LRP6: variants seen among roughly 807,000 people sequenced by gnomAD.
The protein encoded by LRP6 is LDL receptor related protein 6, also known as low-density lipoprotein receptor-related protein 6.
Under a neutral mutation model 184.1 loss-of-function variants are expected in LRP6, and 43 were observed. The ratio of observed to expected loss-of-function variants is 0.23; its 90% CI spans 0.18 to 0.30. LRP6 has a LOEUF of 0.30. Among genes scored for constraint, LRP6 ranks in the 10% least tolerant of loss-of-function variants. The probability of loss-of-function intolerance (pLI) is 1.00; values close to 1 mark genes in which losing one functional copy is unlikely to be tolerated. For synonymous variants in LRP6, 719 were observed against 684.9 expected (o/e 1.05, Z -0.78); for missense variants, 1,571 against 2,005.3 (o/e 0.78, Z 4.14).
chr12:12,196,734 C>A (rs1240081909), intron 3 of LRP6, among the ~76,000 whole-genome samples: 1 of 152,204 alleles, frequency 6.6e-6, no homozygotes, highest in East Asian at 1.9e-4. Flanking sequence ...GTTTCTCTGT[C>A]CTCTGTATTT....
rs531774646 is a variant in LRP6, at chr12:12,131,310, G to A, written c.3971-417C>T. On this transcript the variant is annotated intron_variant, in intron 18 of 22. Coordinates refer to ENST00000261349, the MANE Select transcript of LRP6 (RefSeq NM_002336.3). ...TTTTTAGTAGAGATGGGGTTTCACC[G>A]TGTTAGCCAGGATGGTCTCTATCTC... is the stretch of plus-strand genomic sequence containing the variant. Among the ~76,000 whole-genome samples, 32 of 151,372 alleles carry A rather than the reference G, an allele frequency of 2.1e-4. No individual in the cohort carries two copies. The East Asian group carries it at 4.5e-3, about 21-fold the overall frequency.
At chr12:12,154,384 T>C (rs1950123251) in intron 12 of LRP6, among the ~76,000 whole-genome samples, 1 of 152,212 alleles carries the variant, frequency 6.6e-6, no homozygotes, top group Admixed American at 6.5e-5. Context: ...CATCACCCTT[T>C]CTTGCTCTTT....
At chr12:12,259,246 G>A (rs1203985441) in intron 1 of LRP6, among the ~76,000 whole-genome samples, 1 of 142,180 alleles carries the variant, frequency 7.0e-6, no homozygotes, top group Admixed American at 7.3e-5. Context: ...CTGGGTGACA[G>A]AGCGAGACTC....
intron 3 of LRP6, among the ~76,000 whole-genome samples, chr12:12,200,697 A>G (rs927277844): frequency 2.6e-5 from 4 of 152,008 alleles, no homozygotes; most frequent in Non-Finnish European, 4.4e-5. Context: ...TATTCCAACC[A>G]CTGTAATATA....
In LRP6 at chr12:12,229,900, A is replaced by G. The variant is rs145388401; in HGVS notation, c.449+14362T>C. ...GGCTTTGAATTAAGAGAGAATGAAC[A>G]TATGTACTTGATAATGATTAAATAA... On this transcript the variant is annotated intron_variant, in intron 2 of 22. Coordinates refer to ENST00000261349, the MANE Select transcript of LRP6 (RefSeq NM_002336.3). 1.2e-4 allele frequency among the ~76,000 whole-genome samples: 19 copies of G among 152,348 alleles called. No homozygotes were observed. The East Asian group carries it at 3.7e-3, about 29-fold the overall frequency.
In LRP6 at chr12:12,127,748, G is replaced by A. The variant is rs115765079; in HGVS notation, c.4082-827C>T. Among the ~76,000 whole-genome samples the A allele has an allele frequency of 8.5e-5, 13 of 152,246 alleles. No individual in the cohort carries two copies. The East Asian group carries it at 2.3e-3, about 27-fold the overall frequency. On this transcript the variant is annotated intron_variant, in intron 19 of 22. Coordinates refer to ENST00000261349, the MANE Select transcript of LRP6 (RefSeq NM_002336.3). ...TTCAGAGGGAAAATTCTTCCATTCT[G>A]AACAGTTAAATTTTATCTCACAGTT...
chr12:12,168,841 T>C (rs1222648038), intron 7 of LRP6, among the ~76,000 whole-genome samples: 1 of 152,210 alleles, frequency 6.6e-6, no homozygotes. Context: ...CTTTTTGTTT[T>C]TTTTTAAAGA....
chr12:12,157,149 C>G (rs924097791), intron 12 of LRP6, among the ~76,000 whole-genome samples: 6 of 152,098 alleles, frequency 3.9e-5, no homozygotes, highest in Non-Finnish European at 8.8e-5. Flanking sequence ...TCCTGGTAAT[C>G]CCAAAATTTG....
intron 7 of LRP6, among the ~76,000 whole-genome samples, chr12:12,175,692 A>G (rs1424287128): frequency 9.4e-6 from 1 of 106,386 alleles, no homozygotes; most frequent in African/African-American, 3.5e-5. Flanking sequence ...CTCCGTCTCA[A>G]ATAAAAAATA....
intron 2 of LRP6, among the ~76,000 whole-genome samples, chr12:12,214,942 T>C (rs1243003292): frequency 2.6e-5 from 4 of 152,234 alleles, no homozygotes; most frequent in Admixed American, 6.5e-5. Context: ...AACTCATTCA[T>C]CATGATTGCT....
At chr12:12,251,037 T>G (rs1365048538) in intron 1 of LRP6, among the ~76,000 whole-genome samples, 1 of 151,958 alleles carries the variant, frequency 6.6e-6, no homozygotes, top group African/African-American at 2.4e-5. Context: ...TTCAAGTGAT[T>G]CTCCTGCCTC....
chr12:12,249,011 G>A (rs1865258780), intron 1 of LRP6: 1 of 601,444 alleles, frequency 1.7e-6, no homozygotes, highest in Non-Finnish European at 3.0e-6. Flanking sequence ...CACAGGCTCG[G>A]GGGTAAAAGT....
intron 1 of LRP6, among the ~76,000 whole-genome samples, chr12:12,263,164 T>C (rs929178820): frequency 6.9e-5 from 10 of 145,528 alleles, no homozygotes; most frequent in Admixed American, 1.4e-4. Context: ...ACTCAGGAGG[T>C]TGAGGTAGGA....
chr12:12,207,400 T>C (rs1285314979), intron 2 of LRP6, among the ~76,000 whole-genome samples: 1 of 151,988 alleles, frequency 6.6e-6, no homozygotes, highest in Non-Finnish European at 1.5e-5. Context: ...GCACCTGTAG[T>C]CCCAGCTACT....
At chr12:12,156,428 G>T (rs547241442) in intron 12 of LRP6, among the ~76,000 whole-genome samples, 1 of 152,198 alleles carries the variant, frequency 6.6e-6, no homozygotes, top group Non-Finnish European at 1.5e-5. Flanking sequence ...AAACTGAGTG[G>T]TGGGGAGTGA....
chr12:12,137,091 C>A (rs1949851481), intron 16 of LRP6, among the ~76,000 whole-genome samples: 2 of 152,176 alleles, frequency 1.3e-5, no homozygotes, highest in Admixed American at 6.5e-5. Context: ...CTTCTAAATT[C>A]ATGAACTGTA....
intron 15 of LRP6, among the ~76,000 whole-genome samples, chr12:12,145,203 G>A (rs998608591): frequency 2.0e-5 from 3 of 151,868 alleles, no homozygotes; most frequent in South Asian, 2.1e-4. Flanking sequence ...AAGAGACAGA[G>A]GAGATCAGAT....
In LRP6 at chr12:12,119,988, AAAATATATATATATATAT is replaced by A. The variant is rs1452401639; in HGVS notation, c.*1120_*1137del. ...TTACTCAGAAAACAAACAAACAAAC[AAAATATATATATATATAT>A]ATATATATATATATATATATATATA... On this transcript the variant is annotated 3_prime_UTR_variant, in exon 23 of 23. Coordinates refer to ENST00000261349, the MANE Select transcript of LRP6 (RefSeq NM_002336.3). 4 of 97,046 alleles carry A rather than the reference AAAATATATATATATATAT, an allele frequency of 4.1e-5. No individual in the cohort carries two copies. Among genetic ancestry groups the A allele is most frequent in the African/African-American group, 1.2e-4 (3 of 25,412 alleles). 6.0% of individuals were successfully genotyped at this position (97,046 alleles called of 1,614,324 possible).
chr12:12,137,112 G>A (rs960628114), intron 16 of LRP6, among the ~76,000 whole-genome samples: 1 of 152,050 alleles, frequency 6.6e-6, no homozygotes, highest in Non-Finnish European at 1.5e-5. Context: ...CCAACATAAT[G>A]AACACTTGTA....
Sources: gnomAD v4.1 joint callset for allele counts (sites outside exome capture counted in the v4.1 genomes callset) on GRCh38, gnomAD v4.1.1 for gene constraint, MANE v1.5 for transcripts, NCBI Gene and HGNC (gene_info 2026-07-23, HGNC 2026-07-21) for gene names.